The following RHOBTB1 variants were observed in gnomAD, a reference collection of about 807,000 sequenced individuals.
The protein encoded by RHOBTB1 is rho-related BTB domain-containing protein 1.
In RHOBTB1, 40 loss-of-function variants were observed where a neutral mutation model predicts 71.6. The observed-to-expected ratio is 0.56, with a 90% CI of 0.43 to 0.73. The LOEUF is 0.73. Ranked by LOEUF, RHOBTB1 falls within the 30% of genes least tolerant of loss-of-function variation. The probability of loss-of-function intolerance (pLI) is 0.00; values close to 1 mark genes in which losing one functional copy is unlikely to be tolerated. For missense variants in RHOBTB1, 797 were observed against 894.0 expected, an observed-to-expected ratio of 0.89 and a Z score of 1.38; for synonymous variants, 319 against 334.9, an observed-to-expected ratio of 0.95 and a Z score of 0.52.
At chr10:60,868,695 A>C (rs959043076), downstream of RHOBTB1, among the ~76,000 whole-genome samples, 5 of 152,184 alleles carry the variant, frequency 3.3e-5, no homozygotes, top group African/African-American at 4.8e-5. Flanking sequence ...AAAGAAAAAG[A>C]ATGCCAACAT....
intron 1 of RHOBTB1, among the ~76,000 whole-genome samples, chr10:60,996,367 C>T (rs1156696021): frequency 1.3e-5 from 2 of 152,146 alleles, no homozygotes; most frequent in Admixed American, 6.5e-5. Context: ...CCTTTCAAAG[C>T]TTCAGATGTC....
chr10:60,970,226 G>A (rs75611311), intron 2 of RHOBTB1, among the ~76,000 whole-genome samples: 2,193 of 152,138 alleles, frequency 0.014, 52 homozygotes, highest in African/African-American at 0.049. Context: ...GTGGTTACAA[G>A]TCTATTCCAA....
intron 1 of RHOBTB1, among the ~76,000 whole-genome samples, chr10:60,942,908 C>A (rs886523352): frequency 8.3e-4 from 126 of 151,832 alleles, no homozygotes; most frequent in African/African-American, 2.7e-3. Context: ...CGTACACCAC[C>A]GCAGCGGTTG....
rs140331100 is a variant in RHOBTB1, at chr10:60,990,445, C to T, written c.-162-4500G>A. 4.5e-3 allele frequency among the ~76,000 whole-genome samples: 685 copies of T among 152,282 alleles called. 3 individuals are homozygous for T. Among genetic ancestry groups the T allele is most frequent in the Non-Finnish European group, 5.6e-3 (383 of 68,024 alleles). The stretch of plus-strand genomic sequence containing the variant: ...GTAAAATACTCTCAAACAGGCAGGA[C>T]GACAGACAGAACCAGTTACAACTGT... On this transcript the variant is annotated intron_variant, in intron 1 of 11. Coordinates refer to the RHOBTB1 transcript ENST00000357917.
At chr10:60,899,427 G>A (rs1166713102) in intron 4 of RHOBTB1, among the ~76,000 whole-genome samples, 1 of 152,186 alleles carries the variant, frequency 6.6e-6, no homozygotes, top group Non-Finnish European at 1.5e-5. Context: ...CTGAGGGCAA[G>A]TTGCACGCAT....
chr10:60,902,492 A>G (rs2082458081), intron 4 of RHOBTB1, among the ~76,000 whole-genome samples: 1 of 152,214 alleles, frequency 6.6e-6, no homozygotes, highest in African/African-American at 2.4e-5. Context: ...AGGAGAAACA[A>G]CCTATAATTG....
intron 2 of RHOBTB1, among the ~76,000 whole-genome samples, chr10:60,912,274 C>T (rs2083031624): frequency 6.6e-6 from 1 of 151,942 alleles, no homozygotes; most frequent in South Asian, 2.1e-4. Context: ...GTCACCCAGG[C>T]TACAGCACAA....
At chr10:60,880,471 G>T (rs1427225758) in intron 7 of RHOBTB1, among the ~76,000 whole-genome samples, 1 of 151,976 alleles carries the variant, frequency 6.6e-6, no homozygotes, top group Non-Finnish European at 1.5e-5. Context: ...TCATAGGGAA[G>T]GTTTAGAAAA....
rs957881278 is a variant in RHOBTB1 at position 60,871,116 on chromosome 10, A to T, written c.*366T>A. The T allele has an allele frequency of 5.6e-6, 1 of 179,290 alleles. No individual in the cohort carries two copies. The highest frequency in any genetic ancestry group is 1.2e-5 in the Non-Finnish European group (1 of 85,906). 11.1% of individuals were successfully genotyped at this position (179,290 alleles called of 1,614,324 possible). On this transcript the variant is annotated 3_prime_UTR_variant, in exon 11 of 11. Coordinates refer to ENST00000337910, the MANE Select transcript of RHOBTB1 (RefSeq NM_014836.5). ...TACACAGTATTTTCATTTCAACAAA[A>T]TACAACAGACCATATAAAAATATTT...
chr10:60,928,331 A>G (rs76541698), intron 2 of RHOBTB1, among the ~76,000 whole-genome samples: 30 of 31,250 alleles, frequency 9.6e-4, no homozygotes, highest in African/African-American at 2.9e-3. Context: ...TATCCAAAAC[A>G]AAAAAAAAAA....
At chr10:60,886,831 T>C (rs1422756729) in intron 6 of RHOBTB1, among the ~76,000 whole-genome samples, 1 of 151,632 alleles carries the variant, frequency 6.6e-6, no homozygotes, top group Non-Finnish European at 1.5e-5. Flanking sequence ...TTAGCCACCA[T>C]GCCTGGCTAT....
intron 7 of RHOBTB1, among the ~76,000 whole-genome samples, chr10:60,878,587 T>G (rs999968617): frequency 1.7e-4 from 26 of 152,236 alleles, no homozygotes; most frequent in African/African-American, 5.5e-4. Flanking sequence ...ACGTATACAC[T>G]TCATTATTTT....
At chr10:60,917,890 A>T (rs2083353401) in intron 2 of RHOBTB1, among the ~76,000 whole-genome samples, 1 of 152,186 alleles carries the variant, frequency 6.6e-6, no homozygotes. Flanking sequence ...TTTCCTAACT[A>T]ACCCTCCACC....
At chr10:60,965,815 T>C (rs1310803109) in intron 2 of RHOBTB1, among the ~76,000 whole-genome samples, 2 of 152,170 alleles carry the variant, frequency 1.3e-5, no homozygotes, top group Non-Finnish European at 2.9e-5. Flanking sequence ...CTAGAATTCA[T>C]TTTCTGCTAA....
chr10:60,921,698 C>A (rs1045633969), intron 2 of RHOBTB1, among the ~76,000 whole-genome samples: 1 of 152,146 alleles, frequency 6.6e-6, no homozygotes, highest in Non-Finnish European at 1.5e-5. Flanking sequence ...TCTTAGAAAA[C>A]CTTCCACCTG....
At chr10:60,940,488 T>C (rs985758192) in intron 2 of RHOBTB1, among the ~76,000 whole-genome samples, 1 of 152,208 alleles carries the variant, frequency 6.6e-6, no homozygotes, top group African/African-American at 2.4e-5. Flanking sequence ...TCCAAATCCA[T>C]CTACGTGGTG....
At chr10:60,866,625 G>T (rs556519482), downstream of RHOBTB1, among the ~76,000 whole-genome samples, 1 of 152,124 alleles carries the variant, frequency 6.6e-6, no homozygotes, top group African/African-American at 2.4e-5. Flanking sequence ...AAAACGAATT[G>T]CTCCCGAGTG....
chr10:60,973,125 C>T (rs1270645338), intron 2 of RHOBTB1, among the ~76,000 whole-genome samples: 11 of 151,808 alleles, frequency 7.2e-5, no homozygotes, highest in Non-Finnish European at 1.6e-4. Context: ...TTTAAGGATT[C>T]AATATGGACT....
At chr10:60,990,501 CTTTAT>C (rs58723098) in intron 1 of RHOBTB1, among the ~76,000 whole-genome samples, 82,381 of 151,330 alleles carry the variant, frequency 0.54, 22,672 homozygotes, top group East Asian at 0.77. Flanking sequence ...AGCAATTTCT[CTTTAT>C]TTTAATTCAA....
Sources: gnomAD v4.1 joint callset for allele counts (sites outside exome capture counted in the v4.1 genomes callset) on GRCh38, gnomAD v4.1.1 for gene constraint, MANE v1.5 for transcripts, NCBI Gene and HGNC (gene_info 2026-07-23, HGNC 2026-07-21) for gene names.